Variants in TRPM3 observed in about 807,000 individuals in gnomAD.
TRPM3 encodes the protein long transient receptor potential channel 3.
TRPM3 carries 77 observed loss-of-function variants against 181.2 expected under a neutral mutation model. The ratio of observed to expected loss-of-function variants is 0.42; its 90% CI spans 0.35 to 0.51. The LOEUF is 0.51. Ranked by LOEUF, TRPM3 falls within the 20% of genes least tolerant of loss-of-function variation. The pLI, the probability that TRPM3 is intolerant of heterozygous loss-of-function variation, is 0.01. For missense variants in TRPM3, 1,759 were observed against 2,196.7 expected, an observed-to-expected ratio of 0.80 and a Z score of 3.98; for synonymous variants, 745 against 796.4, an observed-to-expected ratio of 0.94 and a Z score of 1.09.
intron 1 of TRPM3, among the ~76,000 whole-genome samples, chr9:70,983,960 G>A (rs2097394173): frequency 6.6e-6 from 1 of 152,124 alleles, no homozygotes; most frequent in Non-Finnish European, 1.5e-5. Flanking sequence ...GTGGGTCAGA[G>A]TTCATTTTTA....
chr9:70,699,291 G>A (rs567548526), intron 8 of TRPM3, among the ~76,000 whole-genome samples: 7 of 152,298 alleles, frequency 4.6e-5, no homozygotes, highest in East Asian at 3.9e-4. Context: ...ACAGTAAGAC[G>A]TCATGGAGAA....
At chr9:71,160,533 C>T (rs140738840) in intron 1 of TRPM3, among the ~76,000 whole-genome samples, 2 of 152,270 alleles carry the variant, frequency 1.3e-5, no homozygotes, top group African/African-American at 4.8e-5. Context: ...CCTTCTCACT[C>T]TTTCTAATCT....
At chr9:71,229,012 C>T (rs569175656) in intron 1 of TRPM3, among the ~76,000 whole-genome samples, 62 of 152,176 alleles carry the variant, frequency 4.1e-4, no homozygotes, top group Middle Eastern at 3.4e-3. Context: ...ATAGTCAAAG[C>T]TATTCCAAGC....
At chr9:71,092,921 G>C (rs1205806930) in intron 1 of TRPM3, among the ~76,000 whole-genome samples, 1 of 152,102 alleles carries the variant, frequency 6.6e-6, no homozygotes, top group Non-Finnish European at 1.5e-5. Context: ...GAATAGAACA[G>C]AGCACTCAGA....
chr9:71,228,331 C>A (rs367846369), intron 1 of TRPM3, among the ~76,000 whole-genome samples: 123 of 152,206 alleles, frequency 8.1e-4, no homozygotes, highest in African/African-American at 2.7e-3. Context: ...TAAACCTCAA[C>A]ACAATAAGAG....
At chr9:71,137,276 T>A (rs768375963) in intron 1 of TRPM3, among the ~76,000 whole-genome samples, 1 of 152,240 alleles carries the variant, frequency 6.6e-6, no homozygotes, top group Non-Finnish European at 1.5e-5. Flanking sequence ...ATCATTTTCA[T>A]GACCTCAACC....
At chr9:71,056,355 T>C (rs1280726017) in intron 1 of TRPM3, among the ~76,000 whole-genome samples, 7 of 152,048 alleles carry the variant, frequency 4.6e-5, no homozygotes, top group African/African-American at 1.7e-4. Flanking sequence ...AGAAAGATGA[T>C]TTAACTCTGA....
At chr9:70,974,016 T>C (rs1313875930) in intron 1 of TRPM3, among the ~76,000 whole-genome samples, 1 of 152,140 alleles carries the variant, frequency 6.6e-6, no homozygotes, top group Non-Finnish European at 1.5e-5. Flanking sequence ...ACTACATAAA[T>C]GAAAAGGAAT....
chr9:70,639,229 G>T (rs1366656498), intron 10 of TRPM3, 35 bp from the exon 11 acceptor site: 2 of 1,610,326 alleles, frequency 1.2e-6, no homozygotes, highest in East Asian at 4.5e-5. Context: ...TCTGCCCCAG[G>T]GTCTATCTAT....
At chr9:70,847,068 A>G (rs2094993883) in intron 3 of TRPM3, among the ~76,000 whole-genome samples, 1 of 152,196 alleles carries the variant, frequency 6.6e-6, no homozygotes, top group Non-Finnish European at 1.5e-5. Flanking sequence ...CATAATAGTG[A>G]ATTACATTTA....
intron 1 of TRPM3, among the ~76,000 whole-genome samples, chr9:71,307,974 C>CTTTT (rs1195485360): frequency 2.8e-5 from 4 of 142,206 alleles, no homozygotes; most frequent in African/African-American, 5.1e-5. Context: ...TTCTTTCTTT[C>CTTTT]TTTTTTTTTT....
chr9:70,543,450 T>C (rs573972054), intron 25 of TRPM3, among the ~76,000 whole-genome samples: 1 of 152,322 alleles, frequency 6.6e-6, no homozygotes, highest in Non-Finnish European at 1.5e-5. Context: ...TCTTTCTATT[T>C]TTTTTTGTAC....
chr9:70,786,752 C>T (rs1370255362), intron 6 of TRPM3, among the ~76,000 whole-genome samples: 2 of 152,144 alleles, frequency 1.3e-5, no homozygotes, highest in Non-Finnish European at 2.9e-5. Flanking sequence ...AGCATATGCT[C>T]CTATGTCATT....
intron 1 of TRPM3, among the ~76,000 whole-genome samples, chr9:71,102,994 T>A (rs2068682826): frequency 6.6e-6 from 1 of 152,202 alleles, no homozygotes; most frequent in African/African-American, 2.4e-5. Flanking sequence ...TCTTTCAATA[T>A]TTGTTTTTGA....
chr9:71,082,905 T>C (rs1280936332), intron 1 of TRPM3, among the ~76,000 whole-genome samples: 1 of 152,128 alleles, frequency 6.6e-6, no homozygotes, highest in Admixed American at 6.6e-5. Flanking sequence ...AAAGGAATTG[T>C]ACAGGCAGGA....
chr9:71,198,635 T>C (rs1350029771), intron 1 of TRPM3, among the ~76,000 whole-genome samples: 1 of 151,658 alleles, frequency 6.6e-6, no homozygotes, highest in Admixed American at 6.6e-5. Flanking sequence ...TTTGAAGCAA[T>C]TGTGAATGGG....
intron 22 of TRPM3, among the ~76,000 whole-genome samples, chr9:70,559,184 AC>A (rs778075175): frequency 1.9e-4 from 29 of 152,326 alleles, no homozygotes; most frequent in Non-Finnish European, 4.3e-4. Flanking sequence ...CCTCTAGAAC[AC>A]TACCTGGCAC....
intron 1 of TRPM3, among the ~76,000 whole-genome samples, chr9:71,341,332 G>A (rs1588575202): frequency 6.6e-6 from 1 of 152,170 alleles, no homozygotes; most frequent in East Asian, 1.9e-4. Flanking sequence ...GTAACTTCAT[G>A]GTGAGGAAAT....
At chr9:71,006,955 C>G (rs551606456) in intron 1 of TRPM3, among the ~76,000 whole-genome samples, 1 of 140,588 alleles carries the variant, frequency 7.1e-6, no homozygotes, top group Non-Finnish European at 1.5e-5. Context: ...AAGAGAATCA[C>G]TTGAACCTGG....
Sources: allele counts gnomAD v4.1 joint callset (sites outside exome capture counted in the v4.1 genomes callset), GRCh38; gene constraint gnomAD v4.1.1; transcripts MANE v1.5; gene names NCBI Gene and HGNC (gene_info 2026-07-23, HGNC 2026-07-21).